Variants in ABHD2 observed in about 807,000 individuals in gnomAD.
ABHD2 encodes monoacylglycerol lipase ABHD2.
In ABHD2, 20 loss-of-function variants were observed where a neutral mutation model predicts 48.1. That is an observed-to-expected ratio of 0.42 (90% CI 0.29 to 0.60). ABHD2 has a LOEUF of 0.60. Ranked by LOEUF, ABHD2 falls within the 20% of genes least tolerant of loss-of-function variation. ABHD2 has a pLI of 0.24. For missense variants in ABHD2, 405 were observed against 550.9 expected (o/e 0.74, Z 2.65); for synonymous variants, 209 against 214.2 (o/e 0.98, Z 0.21).
rs1555429068 is a variant in ABHD2 at position 89,135,143 on chromosome 15, C to CTTTTCTTTTTTTTTTTTTTTTT, written c.195-16530_195-16529insCTTTTTTTTTTTTTTTTTTTTT. Among the ~76,000 whole-genome samples the CTTTTCTTTTTTTTTTTTTTTTT allele has an allele frequency of 1.8e-5, 2 of 112,178 alleles. 1 individual carries two copies. The highest frequency in any genetic ancestry group is 6.4e-5 in the African/African-American group (2 of 31,156). 73.6% of individuals were successfully genotyped at this position (112,178 alleles called of 152,430 possible). On this transcript the variant is annotated intron_variant, in intron 3 of 10. Coordinates refer to ENST00000352732, the MANE Select transcript of ABHD2 (RefSeq NM_152924.5). ...GTCAACAAAATGGCTACAACTTTTT[C>CTTTTCTTTTTTTTTTTTTTTTT]TTTTTTTTTTTTTTTTTTGCAATTA...
intron 3 of ABHD2, among the ~76,000 whole-genome samples, chr15:89,150,501 C>T (rs775880148): frequency 6.6e-6 from 1 of 152,136 alleles, no homozygotes; most frequent in East Asian, 1.9e-4. Context: ...GGCTTCATGT[C>T]CTTAAGGTCT....
the ABHD2 span, among the ~76,000 whole-genome samples, chr15:89,064,026 C>T: frequency 6.6e-6 from 1 of 151,928 alleles, no homozygotes; most frequent in Non-Finnish European, 1.5e-5. Flanking sequence ...CTCCCCCAAG[C>T]CCCTGACAAC....
At chr15:89,125,776 AG>A (rs2050121846) in intron 3 of ABHD2, among the ~76,000 whole-genome samples, 1 of 152,212 alleles carries the variant, frequency 6.6e-6, no homozygotes, top group African/African-American at 2.4e-5. Flanking sequence ...CAGCCACATC[AG>A]GAAGAAAAGT....
At chr15:89,180,857 C>T (rs1460770524) in intron 6 of ABHD2, among the ~76,000 whole-genome samples, 1 of 152,084 alleles carries the variant, frequency 6.6e-6, no homozygotes, top group African/African-American at 2.4e-5. Flanking sequence ...AATAATATAC[C>T]AACTCAGTGG....
Position 89,176,462 on chromosome 15 carries a change from C to T in ABHD2, c.722+467C>T, listed in dbSNP as rs777699872. 2.0e-5 allele frequency among the ~76,000 whole-genome samples: 3 copies of T among 152,138 alleles called. No homozygotes were observed. Among genetic ancestry groups the T allele is most frequent in the Non-Finnish European group, 4.4e-5 (3 of 68,026 alleles). Reference sequence around the variant, plus strand: ...CTGTAGAAATCATTTAATCAGTGTCCTCACCTTTAAGTATTTGTCTCTGTC... The same window carrying T: ...CTGTAGAAATCATTTAATCAGTGTCTTCACCTTTAAGTATTTGTCTCTGTC... On this transcript the variant is annotated intron_variant, in intron 6 of 10. Transcript: ENST00000352732. This position sits in a 1 kb window ranked among gnomAD's most constrained non-coding sequence, Gnocchi z 4.5.
chr15:89,177,349 C>T lies in ABHD2; in HGVS notation c.722+1354C>T, dbSNP rs889805781. ...CACTGTAAAATGAAGGAGGTGGGTT[C>T]GATCGGCGGATCACAAAGACCGGTC... On this transcript the variant is annotated intron_variant, in intron 6 of 10. Transcript: ENST00000352732. This position sits in a 1 kb window ranked among gnomAD's most constrained non-coding sequence, Gnocchi z 5.6. 2.0e-5 allele frequency among the ~76,000 whole-genome samples: 3 copies of T among 152,072 alleles called. No individual in the cohort carries two copies. Among genetic ancestry groups the T allele is most frequent in the African/African-American group, 7.2e-5 (3 of 41,392 alleles).
rs187225636 is a variant in ABHD2, at chr15:89,178,889, C to T, written c.722+2894C>T. Among the ~76,000 whole-genome samples the T allele has an allele frequency of 4.1e-4, 62 of 152,284 alleles. 1 individual carries two copies. The highest frequency in any genetic ancestry group is 1.4e-3 in the African/African-American group (57 of 41,548). On this transcript the variant is annotated intron_variant, in intron 6 of 10. Transcript: ENST00000352732. ...GAGAGAAGCATTTTTGGTCTGGTTTCAGGTAAAATAAATTCTTTCCCAAGA... is the reference window on the plus strand; with the variant it reads ...GAGAGAAGCATTTTTGGTCTGGTTTTAGGTAAAATAAATTCTTTCCCAAGA...
the ABHD2 span, among the ~76,000 whole-genome samples, chr15:89,073,896 C>G: frequency 2.6e-5 from 4 of 152,170 alleles, no homozygotes; most frequent in African/African-American, 9.6e-5. Context: ...TAGATTAGAA[C>G]TACTCTTTTT....
At chr15:89,064,473 C>T in the ABHD2 span, among the ~76,000 whole-genome samples, 3 of 151,974 alleles carry the variant, frequency 2.0e-5, no homozygotes, top group Non-Finnish European at 4.4e-5. Flanking sequence ...TGTGATCCGC[C>T]CACCTCGGCC....
rs1272355486 is a variant in ABHD2 at position 89,200,426 on chromosome 15, T to A, written c.*5003T>A. 1.3e-5 allele frequency: 2 copies of A among 150,458 alleles called. No individual in the cohort carries two copies. The highest frequency in any genetic ancestry group is 5.1e-5 in the African/African-American group (2 of 39,540). The allele number at this position is 150,458 out of a possible 1,614,324, so 9.3% of individuals were successfully genotyped here. A position where few individuals can be genotyped will look rare whatever the true frequency, so the allele number is the denominator to read the frequency against. On this transcript the variant is annotated 3_prime_UTR_variant, in exon 11 of 11. Coordinates refer to ENST00000352732, the MANE Select transcript of ABHD2 (RefSeq NM_152924.5). ...AGGCAAGCGCTCCTCACTTCCCAGATGGGGCGGCTCCCGGGAAGCGGGGCT... is the reference window on the plus strand; with the variant it reads ...AGGCAAGCGCTCCTCACTTCCCAGAAGGGGCGGCTCCCGGGAAGCGGGGCT...
At chr15:89,062,698 T>C in the ABHD2 span, among the ~76,000 whole-genome samples, 1 of 152,008 alleles carries the variant, frequency 6.6e-6, no homozygotes. Context: ...GGAATTGATT[T>C]TTTAAAAATA....
chr15:89,135,682 C>T (rs1025446708), intron 3 of ABHD2: 1 of 1,511,560 alleles, frequency 6.6e-7, no homozygotes. Flanking sequence ...TTCCTTTAGC[C>T]CGATATGCAG....
At chr15:89,042,494 C>G in the ABHD2 span, among the ~76,000 whole-genome samples, 1 of 152,140 alleles carries the variant, frequency 6.6e-6, no homozygotes, top group Non-Finnish European at 1.5e-5. Flanking sequence ...CCGAGTGCCA[C>G]CTCCTCCATG....
At chr15:89,139,205 TG>T (rs2050364721) in intron 3 of ABHD2, among the ~76,000 whole-genome samples, 1 of 152,152 alleles carries the variant, frequency 6.6e-6, no homozygotes, top group Non-Finnish European at 1.5e-5. Flanking sequence ...AGTAAGACCT[TG>T]TCTCTAAAAA....
the ABHD2 span, among the ~76,000 whole-genome samples, chr15:89,056,754 T>G: frequency 4.6e-5 from 7 of 152,028 alleles, no homozygotes; most frequent in African/African-American, 1.7e-4. Flanking sequence ...TGACCTTGAG[T>G]GAGTCATTCA....
chr15:89,154,306 C>T (rs1402027683), intron 4 of ABHD2, among the ~76,000 whole-genome samples: 2 of 152,194 alleles, frequency 1.3e-5, no homozygotes, highest in Non-Finnish European at 2.9e-5. Flanking sequence ...TACTAATTCA[C>T]ATTTCCCTAC....
Position 89,187,612 on chromosome 15 carries a change from T to A in ABHD2, c.816-581T>A, listed in dbSNP as rs147508171. On this transcript the variant is annotated intron_variant, in intron 7 of 10. Coordinates refer to ENST00000352732, the MANE Select transcript of ABHD2 (RefSeq NM_152924.5). ...TCATCCTCTCCAGATGGATTTTTTC[T>A]TAATAGAAATGCTGGTTCCACTTGG... Among the ~76,000 whole-genome samples the A allele has an allele frequency of 3.3e-5, 5 of 152,296 alleles. No individual in the cohort carries two copies. In the East Asian group the frequency reaches 9.6e-4, roughly 29 times the overall value.
upstream of ABHD2, among the ~76,000 whole-genome samples, chr15:89,083,677 T>C (rs1208197479): frequency 6.6e-6 from 1 of 152,228 alleles, no homozygotes; most frequent in Admixed American, 6.5e-5. This position sits in a 1 kb window ranked among gnomAD's most constrained non-coding sequence, Gnocchi z 5.1. Flanking sequence ...GTTCATCTTA[T>C]GATTTTACTA....
At chr15:89,066,426 C>T in the ABHD2 span, among the ~76,000 whole-genome samples, 1 of 152,138 alleles carries the variant, frequency 6.6e-6, no homozygotes, top group Non-Finnish European at 1.5e-5. Context: ...ATAAAGATAC[C>T]AGTCTTTGGC....
Sources: gnomAD v4.1 joint callset for allele counts (sites outside exome capture counted in the v4.1 genomes callset) on GRCh38, gnomAD v4.1.1 for gene constraint, Gnocchi (gnomAD v3.1) non-coding constraint, MANE v1.5 for transcripts, NCBI Gene and HGNC (gene_info 2026-07-23, HGNC 2026-07-21) for gene names.